RALA: variants seen among roughly 807,000 people sequenced by gnomAD.
The protein encoded by RALA is ras-related protein Ral-A.
Under a neutral mutation model 24.0 loss-of-function variants are expected in RALA, and 5 were observed. The observed-to-expected ratio is 0.21, with a 90% CI of 0.11 to 0.44. The LOEUF is 0.44. RALA is among the 20% of genes least tolerant of loss of function. The probability of loss-of-function intolerance (pLI) is 0.99; values close to 1 mark genes in which losing one functional copy is unlikely to be tolerated. For missense variants in RALA, 95 were observed against 241.2 expected (o/e 0.39, Z 4.01); for synonymous variants, 77 against 83.8 (o/e 0.92, Z 0.44).
In RALA at chr7:39,677,504, G is replaced by T. The variant is rs546045066; in HGVS notation, c.-37-9127G>T. 6.3e-5 allele frequency among the ~76,000 whole-genome samples: 6 copies of T among 95,262 alleles called. No homozygotes were observed. The East Asian group carries it at 1.4e-3, about 23-fold the overall frequency. The allele number at this position is 95,262 out of a possible 152,430, so 62.5% of individuals were successfully genotyped here. The stretch of plus-strand genomic sequence containing the variant: ...AGTCTTTGCTATTGTGAATAATGCC[G>T]CAATAAACATACGTGTGCATGTGTC... On this transcript the variant is annotated intron_variant, in intron 1 of 4. Coordinates refer to ENST00000005257, the MANE Select transcript of RALA (RefSeq NM_005402.4).
At chr7:39,702,990 G>T (rs1793055682) in intron 4 of RALA, 1 of 152,188 alleles carries the variant, frequency 6.6e-6, no homozygotes, top group African/African-American at 2.4e-5. Context: ...CTGAAAGGAG[G>T]ATATTGAATG....
At chr7:39,667,795 G>C (rs751330413) in intron 1 of RALA, among the ~76,000 whole-genome samples, 4 of 152,226 alleles carry the variant, frequency 2.6e-5, no homozygotes, top group Non-Finnish European at 5.9e-5. Context: ...TAATGAACAT[G>C]TTAACAACCC....
At position 39,678,463 on chromosome 7, in the gene RALA, C is replaced by T. The variant is rs963204912; in HGVS notation, c.-37-8168C>T. 2.2e-4 allele frequency among the ~76,000 whole-genome samples: 33 copies of T among 152,182 alleles called. No individual in the cohort carries two copies. In the South Asian group the frequency reaches 3.7e-3, roughly 17 times the overall value. On this transcript the variant is annotated intron_variant, in intron 1 of 4. Transcript: ENST00000005257. ...GAAAGAAGAAAGGAAATAAGTAGCT[C>T]GTATGAGCATGGTGTAGTTGTCTAG...
intron 1 of RALA, among the ~76,000 whole-genome samples, chr7:39,675,398 T>A (rs1005997811): frequency 1.3e-5 from 2 of 152,212 alleles, no homozygotes; most frequent in African/African-American, 4.8e-5. Flanking sequence ...AGGTTAGAGA[T>A]GCTCAACCTG....
intron 3 of RALA, 113 bp downstream of exon 3, chr7:39,690,703 T>C: frequency 1.3e-6 from 1 of 799,616 alleles, no homozygotes; most frequent in Non-Finnish European, 1.9e-6. Context: ...CTGTCTCTAA[T>C]TGTGTTTATT....
At chr7:39,672,767 G>A (rs999798793) in intron 1 of RALA, among the ~76,000 whole-genome samples, 1 of 152,030 alleles carries the variant, frequency 6.6e-6, no homozygotes, top group African/African-American at 2.4e-5. Context: ...GATCCAAAAG[G>A]CAGAACAGTA....
At chr7:39,706,016 T>C in intron 4 of RALA, 107 bp from the exon 5 acceptor site, 1 of 1,021,374 alleles carries the variant, frequency 9.8e-7, no homozygotes, top group Non-Finnish European at 1.4e-6. Context: ...ACAAGAGCTC[T>C]TAAATATTTA....
intron 1 of RALA, among the ~76,000 whole-genome samples, chr7:39,676,171 T>C (rs2116038360): frequency 6.6e-6 from 1 of 152,208 alleles, no homozygotes; most frequent in Admixed American, 6.5e-5. Context: ...GATACGGGGT[T>C]CCACTGTGTT....
At chr7:39,702,749 C>T (rs938000212) in intron 4 of RALA, among the ~76,000 whole-genome samples, 7 of 152,060 alleles carry the variant, frequency 4.6e-5, no homozygotes, top group Non-Finnish European at 7.4e-5. Flanking sequence ...GTGAAATAAG[C>T]CAGGAACAGG....
At chr7:39,646,592 A>C (rs1230897510) in intron 1 of RALA, among the ~76,000 whole-genome samples, 3 of 152,124 alleles carry the variant, frequency 2.0e-5, no homozygotes, top group African/African-American at 7.2e-5. Flanking sequence ...CTTGCTGTGC[A>C]CTCCAGCCTG....
chr7:39,677,139 A>G lies in RALA; in HGVS notation c.-37-9492A>G, dbSNP rs556186586. ...AGAGTGGTGCTTCTGTGATGCGGCC[A>G]GGGGCCAAGGGATGCCCCAGGCTCT... On this transcript the variant is annotated intron_variant, in intron 1 of 4. Transcript: ENST00000005257. 5.7e-3 allele frequency among the ~76,000 whole-genome samples: 866 copies of G among 152,360 alleles called. 3 individuals are homozygous for G. The highest frequency in any genetic ancestry group is 7.8e-3 in the Non-Finnish European group (530 of 68,036).
At chr7:39,688,508 C>G (rs1054209301) in intron 2 of RALA, among the ~76,000 whole-genome samples, 2 of 151,798 alleles carry the variant, frequency 1.3e-5, no homozygotes, top group South Asian at 4.2e-4. Flanking sequence ...CTAATCTTCT[C>G]TCAGACTAAT....
At chr7:39,701,287 G>T (rs1195561604) in intron 4 of RALA, among the ~76,000 whole-genome samples, 1 of 152,188 alleles carries the variant, frequency 6.6e-6, no homozygotes, top group Non-Finnish European at 1.5e-5. Flanking sequence ...GAGGCAGGCA[G>T]ATTACTTGAG....
chr7:39,655,395 A>G (rs1387650941), intron 1 of RALA, among the ~76,000 whole-genome samples: 1 of 152,242 alleles, frequency 6.6e-6, no homozygotes, highest in Non-Finnish European at 1.5e-5. Flanking sequence ...ATTTACAGAA[A>G]GCAGATCAGT....
chr7:39,697,827 T>G (rs186637819), intron 4 of RALA, among the ~76,000 whole-genome samples: 1 of 152,328 alleles, frequency 6.6e-6, no homozygotes, highest in Non-Finnish European at 1.5e-5. Flanking sequence ...CGTTGCTGTC[T>G]TAAGCTTCTT....
intron 1 of RALA, among the ~76,000 whole-genome samples, chr7:39,675,431 G>T (rs1792466868): frequency 6.6e-6 from 1 of 152,154 alleles, no homozygotes; most frequent in Admixed American, 6.5e-5. Flanking sequence ...TTGTTCTTCT[G>T]TCAGTTAGGA....
chr7:39,631,389 C>T (rs182361599), intron 1 of RALA, among the ~76,000 whole-genome samples: 2 of 151,888 alleles, frequency 1.3e-5, no homozygotes, highest in East Asian at 3.9e-4. Context: ...GAAAGGGTCT[C>T]CCTCTGTTGC....
chr7:39,699,128 T>TTTTA (rs1792973911), intron 4 of RALA, among the ~76,000 whole-genome samples: 2 of 109,778 alleles, frequency 1.8e-5, no homozygotes, highest in Non-Finnish European at 3.8e-5. Flanking sequence ...GTTATTTTTT[T>TTTTA]TTTTTTTTTT....
intron 1 of RALA, among the ~76,000 whole-genome samples, chr7:39,676,132 C>T (rs910003803): frequency 7.2e-5 from 11 of 152,150 alleles, no homozygotes; most frequent in East Asian, 1.9e-4. Flanking sequence ...CCCACCACCA[C>T]GCTGGGCTAA....
Sources: allele counts gnomAD v4.1 joint callset (sites outside exome capture counted in the v4.1 genomes callset), GRCh38; gene constraint gnomAD v4.1.1; transcripts MANE v1.5; gene names NCBI Gene and HGNC (gene_info 2026-07-23, HGNC 2026-07-21).